Variants in TBC1D22A observed in about 807,000 individuals in gnomAD.
TBC1D22A encodes the protein putative GTPase activator.
TBC1D22A carries 38 observed loss-of-function variants against 60.2 expected under a neutral mutation model. The observed-to-expected ratio is 0.63, with a 90% confidence interval of 0.49 to 0.83. The LOEUF is 0.83. TBC1D22A is among the 40% of genes least tolerant of loss of function. The pLI is 0.00. For missense variants in TBC1D22A, 628 were observed against 701.0 expected, an observed-to-expected ratio of 0.90 and a Z score of 1.18; for synonymous variants, 302 against 281.7, an observed-to-expected ratio of 1.07 and a Z score of -0.72.
intron 10 of TBC1D22A, among the ~76,000 whole-genome samples, chr22:47,029,271 C>T (rs931613417): frequency 2.0e-5 from 3 of 151,820 alleles, no homozygotes; most frequent in Non-Finnish European, 4.4e-5. Flanking sequence ...CCCATGGGGC[C>T]CAGGGACACA....
intron 11 of TBC1D22A, among the ~76,000 whole-genome samples, chr22:47,100,188 GC>G: frequency 6.6e-6 from 1 of 152,288 alleles, no homozygotes; most frequent in South Asian, 2.1e-4. Context: ...ACAGTGCCAT[GC>G]AGGGGTGAGG....
chr22:47,106,762 T>A (rs559563843), intron 11 of TBC1D22A, among the ~76,000 whole-genome samples: 2 of 152,020 alleles, frequency 1.3e-5, no homozygotes, highest in Admixed American at 1.3e-4. Context: ...AAGAAGAAGA[T>A]CTCCATTTAT....
intron 9 of TBC1D22A, among the ~76,000 whole-genome samples, chr22:46,989,550 G>C (rs2148200482): frequency 6.6e-6 from 1 of 152,242 alleles, no homozygotes; most frequent in Middle Eastern, 3.4e-3. Context: ...AAGGCCCGAG[G>C]AGAGGGAGAG....
At chr22:46,998,831 C>A (rs556317338) in intron 10 of TBC1D22A, among the ~76,000 whole-genome samples, 1 of 152,364 alleles carries the variant, frequency 6.6e-6, no homozygotes, top group Non-Finnish European at 1.5e-5. Context: ...TTCAACCCAT[C>A]ATCTGTTAAA....
intron 7 of TBC1D22A, among the ~76,000 whole-genome samples, chr22:46,906,061 G>A (rs959225960): frequency 3.3e-5 from 5 of 152,084 alleles, no homozygotes; most frequent in African/African-American, 1.2e-4. Flanking sequence ...CGGGGCGCCT[G>A]GGACCTGCGA....
intron 8 of TBC1D22A, among the ~76,000 whole-genome samples, chr22:46,939,714 C>G (rs1006796662): frequency 1.3e-5 from 2 of 152,148 alleles, no homozygotes; most frequent in African/African-American, 2.4e-5. Context: ...ATCAAAGAGA[C>G]TATGTTTTGA....
chr22:46,955,054 C>T (rs1276794311), intron 8 of TBC1D22A, among the ~76,000 whole-genome samples: 2 of 152,094 alleles, frequency 1.3e-5, no homozygotes, highest in African/African-American at 4.8e-5. Context: ...TGTTTTTTCT[C>T]ATTCTGGAAG....
chr22:46,771,437 G>A (rs2083474232), intron 1 of TBC1D22A, among the ~76,000 whole-genome samples: 1 of 152,062 alleles, frequency 6.6e-6, no homozygotes, highest in African/African-American at 2.4e-5. Context: ...CACCTGAGCA[G>A]TATACACTGA....
chr22:46,768,586 G>T (rs1184888548), intron 1 of TBC1D22A, among the ~76,000 whole-genome samples: 1 of 151,998 alleles, frequency 6.6e-6, no homozygotes, highest in Admixed American at 6.6e-5. Context: ...CTCCCGAAGG[G>T]CTGTTGCTTT....
In TBC1D22A at chr22:46,891,358, T is replaced by C; in HGVS notation, c.801T>C (p.Ser267=). The C allele has an allele frequency of 6.2e-7, 1 of 1,612,956 alleles. No individual in the cohort carries two copies. The highest frequency in any genetic ancestry group is 8.5e-7 in the Non-Finnish European group (1 of 1,179,642). ...YFAFIEHYYD[S]RNDEVHQDTY... is the part of the protein sequence containing the mutation. ...CATTTATTGAGCACTATTACGATTC[T>C]AGGAACGACGAAGTTCACCAGGACA... The change falls in exon 6 of 13, where the codon TCT becomes TCC. Residue 267 remains serine, a synonymous_variant. Coordinates refer to ENST00000337137, the MANE Select transcript of TBC1D22A (RefSeq NM_014346.5).
intron 9 of TBC1D22A, among the ~76,000 whole-genome samples, chr22:46,992,699 C>T (rs136140): frequency 0.26 from 38,817 of 152,118 alleles, 5,234 homozygotes; most frequent in East Asian, 0.3. Flanking sequence ...TTCTGCCTTC[C>T]GCTGGACTGA....
chr22:46,892,842 G>A (rs9627607), intron 6 of TBC1D22A, among the ~76,000 whole-genome samples: 2,207 of 152,312 alleles, frequency 0.014, 66 homozygotes, highest in African/African-American at 0.05. Context: ...TAATAAAAAG[G>A]TTCCAGATTA....
At chr22:47,144,676 G>A (rs2067226245) in intron 12 of TBC1D22A, among the ~76,000 whole-genome samples, 1 of 152,150 alleles carries the variant, frequency 6.6e-6, no homozygotes, top group Non-Finnish European at 1.5e-5. Flanking sequence ...CTTCACGGGT[G>A]CAGCCCGTGA....
intron 4 of TBC1D22A, among the ~76,000 whole-genome samples, chr22:46,865,035 G>A (rs1372075351): frequency 6.6e-6 from 1 of 152,122 alleles, no homozygotes; most frequent in Non-Finnish European, 1.5e-5. Flanking sequence ...ACTGGTGGTG[G>A]TCTCACCGAA....
intron 5 of TBC1D22A, among the ~76,000 whole-genome samples, chr22:46,880,613 A>G (rs558994646): frequency 3.9e-5 from 6 of 152,214 alleles, no homozygotes; most frequent in African/African-American, 1.2e-4. Context: ...TTGTGGTGGG[A>G]CAGTGGTGGT....
intron 8 of TBC1D22A, among the ~76,000 whole-genome samples, chr22:46,965,025 G>C (rs1281763138): frequency 6.6e-6 from 1 of 152,228 alleles, no homozygotes; most frequent in African/African-American, 2.4e-5. Context: ...ATTTATCGAA[G>C]ACCAAGGATT....
chr22:46,893,267 C>T (rs1408675787), intron 6 of TBC1D22A, among the ~76,000 whole-genome samples: 1 of 152,222 alleles, frequency 6.6e-6, no homozygotes, highest in Non-Finnish European at 1.5e-5. Context: ...AAACGTTCAT[C>T]TGGTCTGTCT....
intron 12 of TBC1D22A, among the ~76,000 whole-genome samples, chr22:47,143,586 C>A (rs1172652640): frequency 2.6e-5 from 4 of 152,244 alleles, no homozygotes; most frequent in Non-Finnish European, 5.9e-5. Flanking sequence ...AAGCCTGTGA[C>A]TGAACAACAG....
At chr22:46,783,357 C>G (rs2084023738) in intron 1 of TBC1D22A, among the ~76,000 whole-genome samples, 2 of 152,208 alleles carry the variant, frequency 1.3e-5, no homozygotes, top group Admixed American at 1.3e-4. Flanking sequence ...CCAGGCCACG[C>G]ACACCTCACC....
Sources: gnomAD v4.1 joint callset for allele counts (sites outside exome capture counted in the v4.1 genomes callset) on GRCh38, gnomAD v4.1.1 for gene constraint, MANE v1.5 for transcripts, NCBI Gene and HGNC (gene_info 2026-07-23, HGNC 2026-07-21) for gene names.